Variants in SLC25A13 observed in about 807,000 individuals in gnomAD.
The protein encoded by SLC25A13 is solute carrier family 25 member 13, also known as electrogenic aspartate/glutamate antiporter SLC25A13, mitochondrial.
A neutral mutation model predicts 85.5 loss-of-function variants in SLC25A13; 70 were observed. That is an observed-to-expected ratio of 0.82 (90% CI 0.68 to 1.00). SLC25A13 has a LOEUF of 1.00. SLC25A13 is among the 50% of genes least tolerant of loss of function. The pLI is 0.00. For synonymous variants in SLC25A13, 259 were observed against 288.7 expected, an observed-to-expected ratio of 0.90 and a Z score of 1.04; for missense variants, 765 against 819.8, an observed-to-expected ratio of 0.93 and a Z score of 0.82.
chr7:96,189,519 C>T, intron 8 of SLC25A13, 62 bp downstream of exon 8: 1 of 1,542,718 alleles, frequency 6.5e-7, no homozygotes, highest in Non-Finnish European at 8.9e-7. Context: ...TGATTGCTGC[C>T]CTCCTCCTAA....
chr7:96,307,344 T>C (rs149452717), intron 1 of SLC25A13, among the ~76,000 whole-genome samples: 2 of 152,214 alleles, frequency 1.3e-5, no homozygotes, highest in African/African-American at 4.8e-5. Flanking sequence ...TTTGAAGAAA[T>C]CTTGTTTAGA....
At position 96,213,947 on chromosome 7, in the gene SLC25A13, T is replaced by C. The variant is rs1209050003; in HGVS notation, c.329-4970A>G. Reference sequence around the variant, plus strand: ...CTTATTTTTTAAAGTAAAGTATAATTGTTGTTATTTCAGTCTGTGCCAAAC... The same window carrying C: ...CTTATTTTTTAAAGTAAAGTATAATCGTTGTTATTTCAGTCTGTGCCAAAC... On this transcript the variant is annotated intron_variant, in intron 4 of 17. Coordinates refer to ENST00000265631, the MANE Select transcript of SLC25A13 (RefSeq NM_014251.3). Among the ~76,000 whole-genome samples the C allele has an allele frequency of 5.3e-5, 8 of 152,162 alleles. No individual in the cohort carries two copies. The East Asian group carries it at 1.5e-3, about 29-fold the overall frequency.
chr7:96,249,222 AC>A (rs1207229578), intron 3 of SLC25A13, among the ~76,000 whole-genome samples: 1 of 152,242 alleles, frequency 6.6e-6, no homozygotes, highest in African/African-American at 2.4e-5. Context: ...CTCCAAATCC[AC>A]AGTAAACAGA....
At chr7:96,124,523 G>A (rs1791646052) in intron 15 of SLC25A13, among the ~76,000 whole-genome samples, 1 of 152,152 alleles carries the variant, frequency 6.6e-6, no homozygotes. Flanking sequence ...ATATGCCTGT[G>A]TGCTTCTGAA....
chr7:96,186,604 A>G (rs1794655039), intron 9 of SLC25A13, among the ~76,000 whole-genome samples: 1 of 152,326 alleles, frequency 6.6e-6, no homozygotes, highest in East Asian at 1.9e-4. Context: ...ATAACGGAGG[A>G]CTATAGCCTT....
In SLC25A13 at chr7:96,206,743, T is replaced by C. The variant is rs902756110; in HGVS notation, c.468+2095A>G. Among the ~76,000 whole-genome samples, 7 of 152,318 alleles carry C rather than the reference T, an allele frequency of 4.6e-5. No individual in the cohort carries two copies. In the South Asian group the frequency reaches 1.5e-3, roughly 32 times the overall value. On this transcript the variant is annotated intron_variant, in intron 5 of 17. Coordinates refer to ENST00000265631, the MANE Select transcript of SLC25A13 (RefSeq NM_014251.3). ...ATAAGTCAAATTTAAGTGAATGCCT[T>C]ACAAATTGTTTGGAAACATAACCAT...
chr7:96,240,997 A>AGGGGAGGGGAGGGGAGGGG (rs1796954304), intron 3 of SLC25A13, among the ~76,000 whole-genome samples: 1 of 69,234 alleles, frequency 1.4e-5, no homozygotes, highest in Non-Finnish European at 2.7e-5. Context: ...AGGGGAGGGG[A>AGGGGAGGGGAGGGGAGGGG]GGGGAGGGGA....
chr7:96,278,602 T>C (rs114832093), intron 2 of SLC25A13, among the ~76,000 whole-genome samples: 2,025 of 152,304 alleles, frequency 0.013, 41 homozygotes, highest in African/African-American at 0.047. Flanking sequence ...TACAGCTTCA[T>C]AAGACTGATG....
intron 12 of SLC25A13, among the ~76,000 whole-genome samples, chr7:96,170,641 A>G (rs1562812271): frequency 6.6e-6 from 1 of 152,244 alleles, no homozygotes; most frequent in Non-Finnish European, 1.5e-5. Context: ...ATTAATTAAT[A>G]TAATATTCTC....
chr7:96,231,540 T>C (rs1003060892), intron 4 of SLC25A13, among the ~76,000 whole-genome samples: 1 of 151,662 alleles, frequency 6.6e-6, no homozygotes, highest in Non-Finnish European at 1.5e-5. Context: ...TCCTGACCAA[T>C]ATGGTAAAAC....
intron 2 of SLC25A13, among the ~76,000 whole-genome samples, chr7:96,292,086 A>C (rs757337886): frequency 6.6e-6 from 1 of 152,184 alleles, no homozygotes; most frequent in Non-Finnish European, 1.5e-5. Context: ...CCACCATGAT[A>C]AAGTGGGCTT....
At chr7:96,178,680 C>T (rs1794315081) in intron 11 of SLC25A13, among the ~76,000 whole-genome samples, 1 of 152,128 alleles carries the variant, frequency 6.6e-6, no homozygotes, top group South Asian at 2.1e-4. Flanking sequence ...CTTCATTCTG[C>T]AGCTATCAGC....
chr7:96,125,440 G>C (rs1300835715), intron 15 of SLC25A13, among the ~76,000 whole-genome samples: 1 of 152,100 alleles, frequency 6.6e-6, no homozygotes, highest in Non-Finnish European at 1.5e-5. Context: ...GGGGAAGAAA[G>C]CTTTGAGTCC....
At chr7:96,238,797 C>T (rs1796842513) in intron 3 of SLC25A13, among the ~76,000 whole-genome samples, 1 of 151,898 alleles carries the variant, frequency 6.6e-6, no homozygotes, top group Admixed American at 6.6e-5. Context: ...TTTGTTGAGG[C>T]CGAAAACAAT....
intron 1 of SLC25A13, among the ~76,000 whole-genome samples, chr7:96,300,527 CCTT>C: frequency 6.6e-6 from 1 of 152,126 alleles, no homozygotes; most frequent in Non-Finnish European, 1.5e-5. Flanking sequence ...CATGTTTACT[CCTT>C]AAGAAATCTA....
intron 11 of SLC25A13, among the ~76,000 whole-genome samples, chr7:96,181,944 T>C (rs1052606710): frequency 7.9e-5 from 12 of 152,254 alleles, no homozygotes; most frequent in African/African-American, 2.9e-4. Flanking sequence ...AGGTATTTCA[T>C]AATGTGACTT....
At chr7:96,174,522 A>T (rs776736196) in intron 11 of SLC25A13, among the ~76,000 whole-genome samples, 1 of 152,232 alleles carries the variant, frequency 6.6e-6, no homozygotes, top group Non-Finnish European at 1.5e-5. Flanking sequence ...CTACCTCTTC[A>T]CAATTGAAAT....
chr7:96,235,978 C>T (rs1032008177), intron 3 of SLC25A13, among the ~76,000 whole-genome samples: 9 of 152,132 alleles, frequency 5.9e-5, no homozygotes, highest in African/African-American at 1.9e-4. Context: ...CATTGAGATA[C>T]TCCAAGTTTC....
intron 3 of SLC25A13, among the ~76,000 whole-genome samples, chr7:96,263,641 C>G (rs1454766894): frequency 6.6e-6 from 1 of 152,088 alleles, no homozygotes; most frequent in Non-Finnish European, 1.5e-5. Flanking sequence ...CCCCTCTCAC[C>G]CCGTATTTTA....
Sources: allele counts gnomAD v4.1 joint callset (sites outside exome capture counted in the v4.1 genomes callset), GRCh38; gene constraint gnomAD v4.1.1; transcripts MANE v1.5; gene names NCBI Gene and HGNC (gene_info 2026-07-23, HGNC 2026-07-21).